ZFP91: variants seen among roughly 807,000 people sequenced by gnomAD.
The protein encoded by ZFP91 is E3 ubiquitin-protein ligase ZFP91.
ZFP91 carries 7 observed loss-of-function variants against 63.5 expected under a neutral mutation model. The observed-to-expected ratio is 0.11, with a 90% CI of 0.06 to 0.21. ZFP91 has a LOEUF of 0.21. Ranked by LOEUF, ZFP91 falls within the 10% of genes least tolerant of loss-of-function variation. The pLI is 1.00. For synonymous variants in ZFP91, 330 were observed against 272.1 expected (o/e 1.21, Z -2.10); for missense variants, 628 against 736.6 (o/e 0.85, Z 1.71).
At position 58,579,162 on chromosome 11, in the gene ZFP91, A is replaced by G. The variant is rs1855030370; in HGVS notation, c.-120A>G. 1 of 675,190 alleles carries G rather than the reference A, an allele frequency of 1.5e-6. No individual in the cohort carries two copies. Among genetic ancestry groups the G allele is most frequent in the East Asian group, 3.8e-5 (1 of 25,998 alleles). The allele number at this position is 675,190 out of a possible 1,614,324, so 41.8% of individuals were successfully genotyped here. Reference sequence around the variant, plus strand: ...GGGCGGAGGGGAGGGGGGAAAGAGGAGCGCAGGGTGAGAGTGAGCCGCAGG... The same window carrying G: ...GGGCGGAGGGGAGGGGGGAAAGAGGGGCGCAGGGTGAGAGTGAGCCGCAGG... On this transcript the variant is annotated 5_prime_UTR_variant, in exon 1 of 11. Transcript: ENST00000316059.
At position 58,619,047 on chromosome 11, in the gene ZFP91, T is replaced by C. The variant is rs894201482; in HGVS notation, c.*1341T>C. The C allele has an allele frequency of 5.5e-6, 1 of 180,204 alleles. No homozygotes were observed. The highest frequency in any genetic ancestry group is 6.1e-5 in the Admixed American group (1 of 16,414). 11.2% of individuals were successfully genotyped at this position (180,204 alleles called of 1,614,324 possible). On this transcript the variant is annotated 3_prime_UTR_variant, in exon 11 of 11. Coordinates refer to ENST00000316059, the MANE Select transcript of ZFP91 (RefSeq NM_053023.5). ...TTCTTGCTTTGCTTTATCAGTTCAT[T>C]CCAGCTCCCTGTTAGTGAAGGACAC...
At chr11:58,588,139 G>A (rs1855243160) in intron 2 of ZFP91, among the ~76,000 whole-genome samples, 1 of 152,042 alleles carries the variant, frequency 6.6e-6, no homozygotes, top group African/African-American at 2.4e-5. Flanking sequence ...TGGAAATACT[G>A]CATGCTTGAA....
intron 2 of ZFP91, among the ~76,000 whole-genome samples, chr11:58,601,516 T>G (rs763894167): frequency 6.6e-6 from 1 of 152,190 alleles, no homozygotes; most frequent in Non-Finnish European, 1.5e-5. Flanking sequence ...AAGAACCAAC[T>G]TATTTACTTT....
At chr11:58,616,644 G>C (rs1442021017) in intron 9 of ZFP91, 72 bp from the exon 10 acceptor site, 18 of 1,286,240 alleles carry the variant, frequency 1.4e-5, no homozygotes, top group Non-Finnish European at 2.0e-5. Flanking sequence ...CCCATCATCT[G>C]CTTACTTACT....
chr11:58,612,886 A>C (rs780797656), intron 8 of ZFP91, 46 bp downstream of exon 8: 12 of 1,529,120 alleles, frequency 7.8e-6, no homozygotes, highest in Non-Finnish European at 1.1e-5. Context: ...GTGTTCCATT[A>C]CTTGTTCTTG....
intron 2 of ZFP91, among the ~76,000 whole-genome samples, chr11:58,590,695 C>A (rs1160261799): frequency 6.6e-6 from 1 of 152,082 alleles, no homozygotes; most frequent in East Asian, 1.9e-4. Context: ...ATAGGTCTTT[C>A]AAATTTTTTA....
intron 2 of ZFP91, among the ~76,000 whole-genome samples, chr11:58,596,304 T>C (rs564340423): frequency 1.7e-4 from 26 of 152,292 alleles, no homozygotes; most frequent in African/African-American, 6.3e-4. Context: ...GTGACAGAGG[T>C]AGAAGGAGTG....
In ZFP91 at chr11:58,617,806, A is replaced by C; in HGVS notation, c.*100A>C. 7.1e-7 allele frequency: 1 copy of C among 1,417,434 alleles called. No homozygotes were observed. Among genetic ancestry groups the C allele is most frequent in the Non-Finnish European group, 9.2e-7 (1 of 1,088,768 alleles). 87.8% of individuals were successfully genotyped at this position (1,417,434 alleles called of 1,614,324 possible). The stretch of plus-strand genomic sequence containing the variant: ...AAAGCATTTAAAATCTAGTGAAATA[A>C]CTGAAGGGCCTGCTCTTTCCATTGT... On this transcript the variant is annotated 3_prime_UTR_variant, in exon 11 of 11. Transcript: ENST00000316059. The surrounding 1 kb of genome is among the most constrained non-coding windows in gnomAD (Gnocchi z 4.2).
intron 2 of ZFP91, among the ~76,000 whole-genome samples, chr11:58,593,181 A>G (rs2510558): frequency 0.018 from 2,777 of 152,272 alleles, 29 homozygotes; most frequent in African/African-American, 0.031. Context: ...CACAGTTAAT[A>G]ATAATGTATT....
intron 2 of ZFP91, among the ~76,000 whole-genome samples, chr11:58,589,106 T>C (rs775276830): frequency 6.6e-5 from 10 of 152,278 alleles, no homozygotes; most frequent in Non-Finnish European, 1.2e-4. Context: ...GGGTCTCATT[T>C]TATTGCCCAG....
chr11:58,611,140 G>A (rs1171937290), intron 5 of ZFP91, 86 bp downstream of exon 5: 4 of 1,165,350 alleles, frequency 3.4e-6, no homozygotes, highest in Middle Eastern at 2.0e-4. Flanking sequence ...CTGTTGCCAA[G>A]CTAATGGGTA....
At chr11:58,594,677 A>G (rs556007868) in intron 2 of ZFP91, among the ~76,000 whole-genome samples, 5 of 152,332 alleles carry the variant, frequency 3.3e-5, no homozygotes, top group African/African-American at 7.2e-5. Flanking sequence ...AGGAAAAAAC[A>G]TATGTAGATG....
chr11:58,612,528 T>C, intron 7 of ZFP91, 200 bp downstream of exon 7: 1 of 630,856 alleles, frequency 1.6e-6, no homozygotes, highest in South Asian at 2.1e-5. Flanking sequence ...ATCTTAATAC[T>C]TTACCTTTGG....
chr11:58,596,211 C>T (rs1428186739), intron 2 of ZFP91, among the ~76,000 whole-genome samples: 1 of 152,020 alleles, frequency 6.6e-6, no homozygotes, highest in East Asian at 1.9e-4. Flanking sequence ...GTAAGTGGAT[C>T]GTTATAAGGT....
At chr11:58,584,943 T>C (rs972383579) in intron 2 of ZFP91, 59 bp downstream of exon 2, 1 of 1,299,604 alleles carries the variant, frequency 7.7e-7, no homozygotes, top group African/African-American at 1.5e-5. Flanking sequence ...TTTAATCTGT[T>C]AGAAAGCCTC....
At chr11:58,580,419 CATGTT>C (rs1334576985) in intron 1 of ZFP91, among the ~76,000 whole-genome samples, 3 of 152,166 alleles carry the variant, frequency 2.0e-5, no homozygotes, top group Non-Finnish European at 4.4e-5. Context: ...AAATAATACT[CATGTT>C]AAGAATACTG....
At chr11:58,580,087 A>T (rs1178727696) in intron 1 of ZFP91, among the ~76,000 whole-genome samples, 1 of 134,744 alleles carries the variant, frequency 7.4e-6, no homozygotes, top group Admixed American at 7.5e-5. Context: ...TAGTGTGTTT[A>T]TGTAGCTTTT....
At chr11:58,582,377 T>C (rs1004322764) in intron 1 of ZFP91, among the ~76,000 whole-genome samples, 2 of 152,232 alleles carry the variant, frequency 1.3e-5, no homozygotes, top group African/African-American at 4.8e-5. Flanking sequence ...CCAAATGACA[T>C]TTTGAAAATT....
At position 58,610,336 on chromosome 11, in the gene ZFP91, T is replaced by TA. The variant is rs199991349; in HGVS notation, c.617+10dup. The TA allele has an allele frequency of 1.2e-4, 189 of 1,582,554 alleles. 1 individual carries two copies. The highest frequency in any genetic ancestry group is 1.1e-3 in the East Asian group (49 of 44,610). On this transcript the variant is annotated splice_region_variant and intron_variant, in intron 4 of 10. Transcript: ENST00000316059. ...GCATCAGTCTCCAGGTGGCATTAGG[T>TA]AAAAAAAACATTAATATTTCATTTT...
Sources: gnomAD v4.1 joint callset for allele counts (sites outside exome capture counted in the v4.1 genomes callset) on GRCh38, gnomAD v4.1.1 for gene constraint, Gnocchi (gnomAD v3.1) non-coding constraint, MANE v1.5 for transcripts, NCBI Gene and HGNC (gene_info 2026-07-23, HGNC 2026-07-21) for gene names.